The following HTRA2 variants were observed in gnomAD, a reference collection of about 807,000 sequenced individuals.
HTRA2 encodes serine protease HTRA2, mitochondrial.
HTRA2 carries 24 observed loss-of-function variants against 42.2 expected under a neutral mutation model. The ratio of observed to expected loss-of-function variants is 0.57; its 90% CI spans 0.41 to 0.80. HTRA2 has a LOEUF of 0.80. HTRA2 is among the 30% of genes least tolerant of loss of function. HTRA2 has a pLI of 0.00. For synonymous variants in HTRA2, 245 were observed against 255.8 expected (o/e 0.96, Z 0.40); for missense variants, 466 against 613.5 (o/e 0.76, Z 2.54).
chr2:74,530,308 C>A lies in HTRA2; in HGVS notation c.302C>A (p.Thr101Asn). ...RTREASENSG[T>N]RSRAWLAVAL... ...CGGGAGGCCTCAGAGAACTCTGGAA[C>A]CCGTTCGCGCGCGTGGCTGGCGGTG... Residue 101 changes from threonine (T) to asparagine (N), a missense_variant, in exon 1 of 8, where the codon ACC becomes AAC. Around this residue, in one of 3 missense-constraint regions of HTRA2, gnomAD observed 222 missense variants for 205.1 expected, o/e 1.08. Coordinates refer to ENST00000258080, the MANE Select transcript of HTRA2 (RefSeq NM_013247.5). This position sits in a 1 kb window ranked among gnomAD's most constrained non-coding sequence, Gnocchi z 7.4. The A allele has an allele frequency of 6.3e-7, 1 of 1,599,608 alleles. No individual in the cohort carries two copies. The highest frequency in any genetic ancestry group is 8.5e-7 in the Non-Finnish European group (1 of 1,171,282).
chr2:74,530,323 G>C lies in HTRA2; in HGVS notation c.317G>C (p.Trp106Ser). The C allele has an allele frequency of 6.3e-7, 1 of 1,595,436 alleles. No individual in the cohort carries two copies. The highest frequency in any genetic ancestry group is 1.3e-5 in the African/African-American group (1 of 74,420). Residue 106 changes from tryptophan (W) to serine (S), a missense_variant, in exon 1 of 8, where the codon TGG (tryptophan) becomes TCG (serine). By Grantham distance (177) the Trp-to-Ser change is radical. This residue lies in a region of HTRA2 where 222 missense variants were observed against 205.1 expected (regional missense o/e 1.08). Transcript: ENST00000258080. The surrounding 1 kb of genome is among the most constrained non-coding windows in gnomAD (Gnocchi z 7.4). ...AACTCTGGAACCCGTTCGCGCGCGT[G>C]GCTGGCGGTGGCGCTGGGCGCTGGG... ...SENSGTRSRA[W>S]LAVALGAGGA...
intron 6 of HTRA2, chr2:74,532,385 G>A: frequency 1.8e-6 from 1 of 559,636 alleles, no homozygotes; most frequent in Non-Finnish European, 3.3e-6. Context: ...AATGACATTA[G>A]TGCTATTGAT....
At position 74,532,917 on chromosome 2, in the gene HTRA2, T is replaced by C. The variant is rs1222602868; in HGVS notation, c.1309T>C (p.Leu437=). The part of the protein sequence containing the change: ...VYEAVRTQSQ[L]AVQIRRGRET... ...TGAAGCTGTTCGAACCCAATCCCAG[T>C]TGGCAGTGCAGATCCGGCGGGGACG... Residue 437 remains leucine, a synonymous_variant, in exon 8 of 8, where the codon TTG becomes CTG. Coordinates refer to ENST00000258080, the MANE Select transcript of HTRA2 (RefSeq NM_013247.5). The C allele has an allele frequency of 3.7e-6, 6 of 1,614,066 alleles. No homozygotes were observed. The Admixed American group carries it at 5.0e-5, about 13-fold the overall frequency.
chr2:74,531,690 G>A lies in HTRA2; in HGVS notation c.1033G>A (p.Gly345Arg). Reference sequence around the variant, plus strand: ...TCGTCTTCGAGAGTTTCTGCATCGTGGGGAAAAGAAGAGTGAGCCTGCCTT... The same window carrying A: ...TCGTCTTCGAGAGTTTCTGCATCGTAGGGAAAAGAAGAGTGAGCCTGCCTT... ...SDRLREFLHR[G>R]EKKNSSSGIS... The change falls in exon 5 of 8, where the codon GGG becomes AGG. Residue 345 changes from glycine (G) to arginine (R), a missense_variant. Gly to Arg is a moderately radical substitution (Grantham distance 125). Around this residue, in one of 3 missense-constraint regions of HTRA2, gnomAD observed 129 missense variants for 163.1 expected, o/e 0.79. Coordinates refer to ENST00000258080, the MANE Select transcript of HTRA2 (RefSeq NM_013247.5). 3.1e-6 allele frequency: 5 copies of A among 1,614,002 alleles called. No individual in the cohort carries two copies. The highest frequency in any genetic ancestry group is 4.2e-6 in the Non-Finnish European group (5 of 1,180,024).
chr2:74,531,946 G>A, intron 6 of HTRA2, 21 bp downstream of exon 6: 1 of 1,610,640 alleles, frequency 6.2e-7, no homozygotes, highest in Non-Finnish European at 8.5e-7. Context: ...TAGGGACAGT[G>A]ACATGTAATG....
Position 74,532,942 on chromosome 2 carries a change from G to A in HTRA2, c.1334G>A (p.Arg445Gln), listed in dbSNP as rs1251760357. ...SQLAVQIRRG[R>Q]ETLTLYVTPE... is the part of the protein sequence containing the mutation. ...TTGGCAGTGCAGATCCGGCGGGGAC[G>A]AGAAACACTGACCTTATATGTGACC... Residue 445 changes from arginine (R) to glutamine (Q), a missense_variant, in exon 8 of 8, where the codon CGA becomes CAA. By Grantham distance (43) the Arg-to-Gln change is conservative. Around this residue, in one of 3 missense-constraint regions of HTRA2, gnomAD observed 129 missense variants for 163.1 expected, o/e 0.79. Transcript: ENST00000258080. 21 of 1,613,860 alleles carry A rather than the reference G, an allele frequency of 1.3e-5. No homozygotes were observed. Among genetic ancestry groups the A allele is most frequent in the Admixed American group, 1.7e-5 (1 of 59,990 alleles).
rs1211610530 is a variant in HTRA2 at position 74,530,030 on chromosome 2, G to A, written c.24G>A (p.Arg8=). The part of the protein sequence containing the change: MAAPRAG[R]GAGWSLRAWR... The stretch of plus-strand genomic sequence containing the variant: ...TGATGGCTGCGCCGAGGGCGGGGCG[G>A]GGTGCAGGCTGGAGCCTTCGGGCAT... Residue 8 remains arginine, a synonymous_variant, in exon 1 of 8, where the codon CGG becomes CGA. Coordinates refer to ENST00000258080, the MANE Select transcript of HTRA2 (RefSeq NM_013247.5). This position sits in a 1 kb window ranked among gnomAD's most constrained non-coding sequence, Gnocchi z 7.4. The A allele has an allele frequency of 1.3e-6, 2 of 1,552,676 alleles. No homozygotes were observed. Among genetic ancestry groups the A allele is most frequent in the Non-Finnish European group, 8.7e-7 (1 of 1,144,136 alleles).
At chr2:74,529,599 G>A (rs1257959433), upstream of HTRA2, 2 of 1,567,772 alleles carry the variant, frequency 1.3e-6, no homozygotes, top group South Asian at 1.2e-5. Context: ...TCAAAGAGCC[G>A]CTCCGGCCCC....
At chr2:74,529,653 G>T, upstream of HTRA2, 1 of 1,546,564 alleles carries the variant, frequency 6.5e-7, no homozygotes, top group Admixed American at 1.9e-5. Context: ...GGAGCGCCCG[G>T]CCGTCGCCGC....
In HTRA2 at chr2:74,530,144, C is replaced by T. The variant is rs1459746472; in HGVS notation, c.138C>T (p.Pro46=). 3.7e-6 allele frequency: 6 copies of T among 1,612,280 alleles called. No homozygotes were observed. Among genetic ancestry groups the T allele is most frequent in the Non-Finnish European group, 5.1e-6 (6 of 1,179,372 alleles). ...RALLTSGTSD[P]RARVTYGTPS... ...TGCTGACGTCAGGAACTTCTGACCC[C>T]CGGGCCCGAGTGACTTATGGGACCC... Residue 46 remains proline (P), a synonymous_variant, in exon 1 of 8, where the codon CCC becomes CCT. Coordinates refer to ENST00000258080, the MANE Select transcript of HTRA2 (RefSeq NM_013247.5). This position sits in a 1 kb window ranked among gnomAD's most constrained non-coding sequence, Gnocchi z 7.4.
intron 5 of HTRA2, 62 bp from the exon 6 acceptor site, chr2:74,531,794 G>A: frequency 2.5e-6 from 4 of 1,611,850 alleles, no homozygotes; most frequent in Non-Finnish European, 3.4e-6. Context: ...TGGTCTACTG[G>A]GAGAAGAGGG....
Position 74,530,169 on chromosome 2 carries a change from C to A in HTRA2, c.163C>A (p.Pro55Thr), listed in dbSNP as rs1675479143. ...DPRARVTYGT[P>T]SLWARLSVGV... ...CCGGGCCCGAGTGACTTATGGGACC[C>A]CCAGTCTCTGGGCCCGGTTGTCTGT... The change falls in exon 1 of 8, where the codon CCC becomes ACC. Residue 55 changes from proline to threonine, a missense_variant. Physicochemically the swap from Pro to Thr is conservative, Grantham distance 38. Transcript: ENST00000258080. The surrounding 1 kb of genome is among the most constrained non-coding windows in gnomAD (Gnocchi z 7.4). 2 of 1,612,208 alleles carry A rather than the reference C, an allele frequency of 1.2e-6. No homozygotes were observed. Among genetic ancestry groups the A allele is most frequent in the Non-Finnish European group, 1.7e-6 (2 of 1,179,518 alleles).
chr2:74,531,236 A>G, intron 3 of HTRA2, 103 bp from the exon 4 acceptor site: 1 of 1,551,466 alleles, frequency 6.4e-7, no homozygotes, highest in Non-Finnish European at 8.9e-7. Flanking sequence ...CCACTTATTC[A>G]TGGGCTGAGA....
At position 74,530,111 on chromosome 2, in the gene HTRA2, C is replaced by T. The variant is rs770914677; in HGVS notation, c.105C>T (p.Leu35=). 6.2e-7 allele frequency: 1 copy of T among 1,609,578 alleles called. No homozygotes were observed. The highest frequency in any genetic ancestry group is 1.7e-5 in the Admixed American group (1 of 59,906). The change falls in exon 1 of 8, where the codon CTC becomes CTT. Residue 35 remains leucine (L), a synonymous_variant. Transcript: ENST00000258080. This position sits in a 1 kb window ranked among gnomAD's most constrained non-coding sequence, Gnocchi z 7.4. ...GGAGACCCCGTTTGACCCCTGACCT[C>T]CGGGCCCTGCTGACGTCAGGAACTT... is the stretch of plus-strand genomic sequence containing the variant. ...WGRRPRLTPD[L]RALLTSGTSD... is the part of the protein sequence containing the mutation.
upstream of HTRA2, chr2:74,529,725 C>T (rs1572993056): frequency 6.6e-7 from 1 of 1,526,426 alleles, no homozygotes; most frequent in Non-Finnish European, 8.8e-7. Flanking sequence ...TGGGCATCCG[C>T]CCGGGGTGAG....
At position 74,531,987 on chromosome 2, in the gene HTRA2, A is replaced by T. The variant is rs544585035; in HGVS notation, c.1115+62A>T. The T allele has an allele frequency of 8.3e-6, 12 of 1,440,946 alleles. No individual in the cohort carries two copies. In the South Asian group the frequency reaches 1.2e-4, roughly 14 times the overall value. The allele number at this position is 1,440,946 out of a possible 1,614,324, so 89.3% of individuals were successfully genotyped here. ...AGTGTAATCAGAGGGGGGCACCTCTATTGAGCTTTGTTCTCATTTCTGTCT... is the reference window on the plus strand; with the variant it reads ...AGTGTAATCAGAGGGGGGCACCTCTTTTGAGCTTTGTTCTCATTTCTGTCT... On this transcript the variant is annotated intron_variant, in intron 6 of 7. Coordinates refer to ENST00000258080, the MANE Select transcript of HTRA2 (RefSeq NM_013247.5).
Position 74,530,030 on chromosome 2 carries a change from G to C in HTRA2, c.24G>C (p.Arg8=), listed in dbSNP as rs1211610530. 1 of 1,552,558 alleles carries C rather than the reference G, an allele frequency of 6.4e-7. No individual in the cohort carries two copies. The highest frequency in any genetic ancestry group is 1.4e-5 in the African/African-American group (1 of 73,394). Residue 8 remains arginine (R), a synonymous_variant, in exon 1 of 8, where the codon CGG becomes CGC. Coordinates refer to ENST00000258080, the MANE Select transcript of HTRA2 (RefSeq NM_013247.5). This position sits in a 1 kb window ranked among gnomAD's most constrained non-coding sequence, Gnocchi z 7.4. MAAPRAG[R]GAGWSLRAWR... Reference sequence around the variant, plus strand: ...TGATGGCTGCGCCGAGGGCGGGGCGGGGTGCAGGCTGGAGCCTTCGGGCAT... The same window carrying C: ...TGATGGCTGCGCCGAGGGCGGGGCGCGGTGCAGGCTGGAGCCTTCGGGCAT...
Position 74,530,501 on chromosome 2 carries a change from G to A in HTRA2, c.495G>A (p.Glu165=), listed in dbSNP as rs890791532. The change falls in exon 1 of 8, where the codon GAG becomes GAA. Residue 165 remains glutamate (E), a synonymous_variant. Transcript: ENST00000258080. The surrounding 1 kb of genome is among the most constrained non-coding windows in gnomAD (Gnocchi z 7.4). ...CAGCACCTGCCGTGGTCTATATCGA[G>A]ATCCTGGACCGGTAATGGTGGGGGT... ...EKTAPAVVYI[E]ILDRHPFLGR... is the part of the protein sequence containing the mutation. 3.7e-6 allele frequency: 6 copies of A among 1,611,500 alleles called. No homozygotes were observed. In the African/African-American group the frequency reaches 8.0e-5, roughly 22 times the overall value.
chr2:74,530,750 G>T lies in HTRA2; in HGVS notation c.640G>T (p.Asp214Tyr). ...RRVRVRLLSGDTYEAVVTAVD... is the reference protein window; with the variant it reads ...RRVRVRLLSGYTYEAVVTAVD... ...AGTCCGTGTGAGACTGCTAAGCGGCGACACGTATGAGGCCGTGGTCACAGC... is the reference window on the plus strand; with the variant it reads ...AGTCCGTGTGAGACTGCTAAGCGGCTACACGTATGAGGCCGTGGTCACAGC... Residue 214 changes from aspartate to tyrosine, a missense_variant, in exon 2 of 8, where the codon GAC (aspartate) becomes TAC (tyrosine). Physicochemically the swap from Asp to Tyr is radical, Grantham distance 160. Around this residue, in one of 3 missense-constraint regions of HTRA2, gnomAD observed 115 missense variants for 245.4 expected, o/e 0.47. Coordinates refer to ENST00000258080, the MANE Select transcript of HTRA2 (RefSeq NM_013247.5). This position sits in a 1 kb window ranked among gnomAD's most constrained non-coding sequence, Gnocchi z 7.4. 1 of 1,614,202 alleles carries T rather than the reference G, an allele frequency of 6.2e-7. No individual in the cohort carries two copies.
Sources: allele counts gnomAD v4.1 joint callset, GRCh38; gene constraint gnomAD v4.1.1; regional missense constraint gnomAD v4.1.1; non-coding constraint Gnocchi (gnomAD v3.1); transcripts MANE v1.5; gene names NCBI Gene and HGNC (gene_info 2026-07-23, HGNC 2026-07-21).